SLIT2: variants seen among roughly 807,000 people sequenced by gnomAD.
SLIT2 encodes the protein slit homolog 2 protein.
SLIT2 carries 41 observed loss-of-function variants against 185.7 expected under a neutral mutation model. The observed-to-expected ratio is 0.22, with a 90% CI of 0.17 to 0.29. SLIT2 has a LOEUF of 0.29. SLIT2 is among the 10% of genes least tolerant of loss of function. The probability of loss-of-function intolerance (pLI) is 1.00; values close to 1 mark genes in which losing one functional copy is unlikely to be tolerated. For synonymous variants in SLIT2, 693 were observed against 680.2 expected (o/e 1.02, Z -0.29); for missense variants, 1,571 against 1,909.0 (o/e 0.82, Z 3.30).
rs140796001 is a variant in SLIT2, at chr4:20,417,457, T to C, written c.396-50295T>C. ...GTGTGTATATATATATATATATATATACGTATATATATGTGTGTGTACATA... is the reference window on the plus strand; with the variant it reads ...GTGTGTATATATATATATATATATACACGTATATATATGTGTGTGTACATA... On this transcript the variant is annotated intron_variant, in intron 4 of 36. Coordinates refer to ENST00000504154, the MANE Select transcript of SLIT2 (RefSeq NM_004787.4). Among the ~76,000 whole-genome samples the C allele has an allele frequency of 7.2e-3, 1,045 of 145,004 alleles. 18 individuals are homozygous for C. The highest frequency in any genetic ancestry group is 0.024 in the African/African-American group (957 of 39,840).
chr4:20,273,399 T>G lies in SLIT2; in HGVS notation c.395+4518T>G, dbSNP rs374973086. ...CTACTTAGACGTGTATTATGAAAAC[T>G]TTTTTTTAATGTCCCCAGGGTCTAG... On this transcript the variant is annotated intron_variant, in intron 4 of 36. Coordinates refer to ENST00000504154, the MANE Select transcript of SLIT2 (RefSeq NM_004787.4). 3.3e-5 allele frequency among the ~76,000 whole-genome samples: 5 copies of G among 151,996 alleles called. No homozygotes were observed. In the East Asian group the frequency reaches 7.7e-4, roughly 24 times the overall value.
At chr4:20,357,008 C>T (rs2109280984) in intron 4 of SLIT2, among the ~76,000 whole-genome samples, 1 of 152,234 alleles carries the variant, frequency 6.6e-6, no homozygotes, top group East Asian at 1.9e-4. Flanking sequence ...GTATTTGTTA[C>T]AAGTTAAAAC....
intron 26 of SLIT2, among the ~76,000 whole-genome samples, chr4:20,559,887 T>G (rs1382318243): frequency 6.6e-6 from 1 of 151,928 alleles, no homozygotes; most frequent in South Asian, 2.1e-4. Context: ...TGAAACATAC[T>G]TAGAAAATGA....
chr4:20,310,424 C>T (rs934797598), intron 4 of SLIT2, among the ~76,000 whole-genome samples: 13 of 152,108 alleles, frequency 8.5e-5, no homozygotes, highest in Non-Finnish European at 1.2e-4. Flanking sequence ...TTCATAGCAC[C>T]ATCATAACCC....
Position 20,557,474 on chromosome 4 carries a change from T to C in SLIT2, c.2725+3506T>C, listed in dbSNP as rs558650861. ...GAGCCTAGATGAGAGTACACCTGTT[T>C]ACAGCATGGTTTCCTGAATAATTTA... On this transcript the variant is annotated intron_variant, in intron 26 of 36. Transcript: ENST00000504154. Among the ~76,000 whole-genome samples, 3 of 152,172 alleles carry C rather than the reference T, an allele frequency of 2.0e-5. No homozygotes were observed. In the East Asian group the frequency reaches 5.8e-4, roughly 29 times the overall value.
chr4:20,374,627 T>C (rs1348229618), intron 4 of SLIT2, among the ~76,000 whole-genome samples: 1 of 152,006 alleles, frequency 6.6e-6, no homozygotes, highest in South Asian at 2.1e-4. Context: ...TTCCAATCTG[T>C]ATTCTTTTTC....
At chr4:20,530,663 T>A (rs1577867177) in intron 16 of SLIT2, among the ~76,000 whole-genome samples, 1 of 152,320 alleles carries the variant, frequency 6.6e-6, no homozygotes, top group Admixed American at 6.5e-5. Context: ...CAAATGTGTG[T>A]AATGTAAGAG....
chr4:20,282,911 G>A (rs1177791863), intron 4 of SLIT2, among the ~76,000 whole-genome samples: 2 of 152,056 alleles, frequency 1.3e-5, no homozygotes, highest in Non-Finnish European at 2.9e-5. Context: ...TTGTGCCAGC[G>A]TTGTCACGTG....
intron 4 of SLIT2, among the ~76,000 whole-genome samples, chr4:20,383,848 G>A (rs1030847249): frequency 1.3e-5 from 2 of 151,958 alleles, no homozygotes; most frequent in East Asian, 1.9e-4. Context: ...GATTACAGGC[G>A]CTGGCCACCA....
intron 4 of SLIT2, among the ~76,000 whole-genome samples, chr4:20,277,100 A>G (rs1714243240): frequency 6.6e-6 from 1 of 152,172 alleles, no homozygotes; most frequent in Non-Finnish European, 1.5e-5. Flanking sequence ...CAGAGCATTA[A>G]CACCAAGACT....
At chr4:20,345,292 A>C (rs980101465) in intron 4 of SLIT2, among the ~76,000 whole-genome samples, 24 of 152,150 alleles carry the variant, frequency 1.6e-4, no homozygotes, top group African/African-American at 5.8e-4. Context: ...CTGTGCTGAT[A>C]TATTTTTATC....
At chr4:20,323,803 A>C (rs1719307758) in intron 4 of SLIT2, among the ~76,000 whole-genome samples, 1 of 152,154 alleles carries the variant, frequency 6.6e-6, no homozygotes. Context: ...ACTACCATAA[A>C]ATAGTTTGTT....
intron 4 of SLIT2, among the ~76,000 whole-genome samples, chr4:20,307,525 A>G (rs954832816): frequency 6.6e-6 from 1 of 151,784 alleles, no homozygotes; most frequent in Non-Finnish European, 1.5e-5. Flanking sequence ...CTGCTAAAGT[A>G]TTGGGATTAT....
intron 12 of SLIT2, among the ~76,000 whole-genome samples, chr4:20,523,279 T>C (rs1340486835): frequency 6.6e-6 from 1 of 152,154 alleles, no homozygotes; most frequent in Non-Finnish European, 1.5e-5. Flanking sequence ...AGGTTTCTGC[T>C]CAGAGCCAAT....
intron 9 of SLIT2, among the ~76,000 whole-genome samples, chr4:20,506,283 C>T (rs1414045645): frequency 4.0e-5 from 6 of 151,836 alleles, no homozygotes; most frequent in Admixed American, 3.3e-4. Context: ...GAATTTTCTC[C>T]GAAGGACTGA....
At chr4:20,357,089 A>T (rs1391524871) in intron 4 of SLIT2, among the ~76,000 whole-genome samples, 2 of 152,180 alleles carry the variant, frequency 1.3e-5, no homozygotes, top group African/African-American at 2.4e-5. Context: ...AATGTGTAAT[A>T]TTTTTGGCAA....
Position 20,570,472 on chromosome 4 carries a change from A to G in SLIT2, c.3088+1468A>G, listed in dbSNP as rs570121559. Among the ~76,000 whole-genome samples the G allele has an allele frequency of 1.4e-4, 22 of 151,974 alleles. No individual in the cohort carries two copies. The East Asian group carries it at 3.5e-3, about 24-fold the overall frequency. On this transcript the variant is annotated intron_variant, in intron 29 of 36. Transcript: ENST00000504154. The stretch of plus-strand genomic sequence containing the variant: ...TTGAGCTGCCTAAGAATTTAACTTC[A>G]TTGGATGGGCTAATTTAGACTTCTC...
chr4:20,466,465 A>G (rs1365469690), intron 4 of SLIT2, among the ~76,000 whole-genome samples: 7 of 152,184 alleles, frequency 4.6e-5, no homozygotes, highest in Non-Finnish European at 1.5e-5. Flanking sequence ...ACAGACCTTT[A>G]CTGTTTAAAT....
chr4:20,422,732 A>T (rs907473306), intron 4 of SLIT2, among the ~76,000 whole-genome samples: 3 of 152,126 alleles, frequency 2.0e-5, no homozygotes, highest in African/African-American at 7.2e-5. Flanking sequence ...AGGTGACTTT[A>T]CATCTGGGAG....
Sources: allele counts gnomAD v4.1 joint callset (sites outside exome capture counted in the v4.1 genomes callset), GRCh38; gene constraint gnomAD v4.1.1; transcripts MANE v1.5; gene names NCBI Gene and HGNC (gene_info 2026-07-23, HGNC 2026-07-21).